The following EEPD1 variants were observed in gnomAD, a reference collection of about 807,000 sequenced individuals.
The protein encoded by EEPD1 is endonuclease/exonuclease/phosphatase family domain containing 1, also known as endonuclease/exonuclease/phosphatase family domain-containing protein 1.
In EEPD1, 17 loss-of-function variants were observed where a neutral mutation model predicts 46.3. The observed-to-expected ratio is 0.37, with a 90% CI of 0.25 to 0.55. EEPD1 has a LOEUF of 0.55. Among genes scored for constraint, EEPD1 ranks in the 20% least tolerant of loss-of-function variants. The pLI is 0.83. For synonymous variants in EEPD1, 313 were observed against 315.6 expected, an observed-to-expected ratio of 0.99 and a Z score of 0.09; for missense variants, 673 against 745.6, an observed-to-expected ratio of 0.90 and a Z score of 1.13.
In EEPD1 at chr7:36,195,582, G is replaced by A. The variant is rs147556875; in HGVS notation, c.878+40380G>A. Among the ~76,000 whole-genome samples, 702 of 152,316 alleles carry A rather than the reference G, an allele frequency of 4.6e-3. 5 individuals carry two copies. Among genetic ancestry groups the A allele is most frequent in the African/African-American group, 0.016 (664 of 41,564 alleles). ...GCAGAGAGTAGAATGGTGGTTAAAA[G>A]AGTTGGGGTGGGGGCTAGGGTGGAG... is the stretch of plus-strand genomic sequence containing the variant. On this transcript the variant is annotated intron_variant, in intron 2 of 7. Transcript: ENST00000242108.
chr7:36,300,504 G>GGAAAAGTAAATGGA lies in EEPD1; in HGVS notation c.*1298_*1299insGAAAAGTAAATGGA, dbSNP rs1319005749. 2.0e-5 allele frequency: 3 copies of GGAAAAGTAAATGGA among 152,254 alleles called. No homozygotes were observed. The highest frequency in any genetic ancestry group is 2.9e-5 in the Non-Finnish European group (2 of 68,042). 9.4% of individuals were successfully genotyped at this position (152,254 alleles called of 1,614,324 possible). On this transcript the variant is annotated 3_prime_UTR_variant, in exon 8 of 8. Coordinates refer to ENST00000242108, the MANE Select transcript of EEPD1 (RefSeq NM_030636.3). ...ATGCTTAACATGAATGGAAAAATAT[G>GGAAAAGTAAATGGA]AAAGTAAATAGTGAAAAGGTAAGTT...
chr7:36,193,424 G>A lies in EEPD1; in HGVS notation c.878+38222G>A, dbSNP rs1443722543. The stretch of plus-strand genomic sequence containing the variant: ...GGACAAAGGAGAGATGCAGCTAGAT[G>A]AGGAGAGAACAGCCACTTCATGCCA... On this transcript the variant is annotated intron_variant, in intron 2 of 7. Coordinates refer to ENST00000242108, the MANE Select transcript of EEPD1 (RefSeq NM_030636.3). This position sits in a 1 kb window ranked among gnomAD's most constrained non-coding sequence, Gnocchi z 4.9. Among the ~76,000 whole-genome samples the A allele has an allele frequency of 1.3e-5, 2 of 152,184 alleles. No individual in the cohort carries two copies. Among genetic ancestry groups the A allele is most frequent in the Non-Finnish European group, 2.9e-5 (2 of 68,022 alleles).
intron 2 of EEPD1, among the ~76,000 whole-genome samples, chr7:36,196,188 G>C (rs927236345): frequency 6.6e-6 from 1 of 152,222 alleles, no homozygotes; most frequent in African/African-American, 2.4e-5. Context: ...TGCAGGATTG[G>C]AGTTGCTCTG....
intron 2 of EEPD1, among the ~76,000 whole-genome samples, chr7:36,233,896 T>C (rs189891641): frequency 1.3e-5 from 2 of 152,248 alleles, no homozygotes; most frequent in African/African-American, 4.8e-5. Context: ...TGTTTTGTTT[T>C]TTGGTGGGTT....
chr7:36,227,480 G>T (rs567775469), intron 2 of EEPD1, among the ~76,000 whole-genome samples: 1 of 152,240 alleles, frequency 6.6e-6, no homozygotes, highest in Non-Finnish European at 1.5e-5. Flanking sequence ...CCTCCTCCTG[G>T]GCGTGTCCAC....
At chr7:36,274,125 A>G (rs924436047) in intron 3 of EEPD1, among the ~76,000 whole-genome samples, 2 of 152,234 alleles carry the variant, frequency 1.3e-5, no homozygotes, top group South Asian at 2.1e-4. Flanking sequence ...AAAGGTAGCT[A>G]CACCTTGTCT....
Position 36,220,221 on chromosome 7 carries a change from C to T in EEPD1, c.879-18764C>T, listed in dbSNP as rs1180412942. Among the ~76,000 whole-genome samples the T allele has an allele frequency of 2.6e-5, 4 of 152,154 alleles. No individual in the cohort carries two copies. In the East Asian group the frequency reaches 7.7e-4, roughly 29 times the overall value. On this transcript the variant is annotated intron_variant, in intron 2 of 7. Transcript: ENST00000242108. ...AGAAGGGCGGTAAAAATGACTTTTTCCTGAAGGAACAAATACCTTCAGATG... is the reference window on the plus strand; with the variant it reads ...AGAAGGGCGGTAAAAATGACTTTTTTCTGAAGGAACAAATACCTTCAGATG...
chr7:36,271,869 C>CTATTCTATTG (rs1787110142), intron 3 of EEPD1, among the ~76,000 whole-genome samples: 8 of 17,134 alleles, frequency 4.7e-4, no homozygotes, highest in African/African-American at 8.3e-4. Context: ...CTATTCTATT[C>CTATTCTATTG]TATTCTATTC....
At chr7:36,231,350 A>G (rs1786324324) in intron 2 of EEPD1, among the ~76,000 whole-genome samples, 1 of 152,218 alleles carries the variant, frequency 6.6e-6, no homozygotes, top group South Asian at 2.1e-4. Context: ...ATTTATCTAA[A>G]TAAATCATTG....
At chr7:36,168,780 AG>A (rs1183213344) in intron 2 of EEPD1, among the ~76,000 whole-genome samples, 1 of 143,596 alleles carries the variant, frequency 7.0e-6, no homozygotes, top group South Asian at 2.2e-4. Context: ...AGGTTGGGGG[AG>A]GGGGGACAGT....
In EEPD1 at chr7:36,236,313, G is replaced by T. The variant is rs1211436072; in HGVS notation, c.879-2672G>T. ...GAAGAGAGAGGCGCGGGCGGAAGCG[G>T]CGCTGGCGGGCCACGGGTTCCAGGT... On this transcript the variant is annotated intron_variant, in intron 2 of 7. Transcript: ENST00000242108. Among the ~76,000 whole-genome samples, 3 of 152,222 alleles carry T rather than the reference G, an allele frequency of 2.0e-5. No individual in the cohort carries two copies. In the East Asian group the frequency reaches 5.8e-4, roughly 29 times the overall value.
intron 6 of EEPD1, among the ~76,000 whole-genome samples, chr7:36,294,617 T>A (rs531706379): frequency 3.3e-5 from 5 of 152,190 alleles, no homozygotes; most frequent in South Asian, 4.1e-4. Context: ...GTACTACATT[T>A]AAAAAAAATT....
intron 6 of EEPD1, 36 bp from the exon 7 acceptor site, chr7:36,296,957 C>A (rs185730374): frequency 1.2e-6 from 2 of 1,607,282 alleles, no homozygotes; most frequent in Non-Finnish European, 1.7e-6. Flanking sequence ...TACTTCCCAA[C>A]AACTCTTAAA....
chr7:36,172,760 A>T (rs1785109161), intron 2 of EEPD1, among the ~76,000 whole-genome samples: 1 of 151,748 alleles, frequency 6.6e-6, no homozygotes, highest in Non-Finnish European at 1.5e-5. Context: ...AAGCCAATAA[A>T]CCTTAAGTCA....
chr7:36,212,477 A>G (rs545555780), intron 2 of EEPD1, among the ~76,000 whole-genome samples: 1 of 129,570 alleles, frequency 7.7e-6, no homozygotes, highest in African/African-American at 2.7e-5. Context: ...TAGAGGAAAC[A>G]GTAAATTATA....
chr7:36,284,071 C>T (rs1787303061), intron 4 of EEPD1, among the ~76,000 whole-genome samples: 1 of 152,238 alleles, frequency 6.6e-6, no homozygotes, highest in South Asian at 2.1e-4. Flanking sequence ...ACCGCCAGCC[C>T]TGGCACCTCT....
chr7:36,198,192 T>C (rs962399606), intron 2 of EEPD1, among the ~76,000 whole-genome samples: 2 of 151,792 alleles, frequency 1.3e-5, no homozygotes, highest in Non-Finnish European at 2.9e-5. Flanking sequence ...AAAGTTTGTG[T>C]GTTTTGAGAA....
chr7:36,249,034 C>CACAT (rs3221650), intron 3 of EEPD1, among the ~76,000 whole-genome samples: 10 of 151,664 alleles, frequency 6.6e-5, no homozygotes, highest in African/African-American at 1.9e-4. Flanking sequence ...CACACACACA[C>CACAT]ATTTTCTCCT....
intron 2 of EEPD1, among the ~76,000 whole-genome samples, chr7:36,169,867 CT>C (rs1785045970): frequency 6.6e-6 from 1 of 152,216 alleles, no homozygotes; most frequent in Admixed American, 6.5e-5. Flanking sequence ...GGTTTTCACA[CT>C]GAAGTTATGC....
Sources: gnomAD v4.1 joint callset for allele counts (sites outside exome capture counted in the v4.1 genomes callset) on GRCh38, gnomAD v4.1.1 for gene constraint, Gnocchi (gnomAD v3.1) non-coding constraint, MANE v1.5 for transcripts, NCBI Gene and HGNC (gene_info 2026-07-23, HGNC 2026-07-21) for gene names.